Variants in PCDH11X observed in about 807,000 individuals in gnomAD.
PCDH11X encodes protocadherin 11 X-linked.
Under a neutral mutation model 53.3 loss-of-function variants are expected in PCDH11X, and 18 were observed. That is an observed-to-expected ratio of 0.34 (90% CI 0.23 to 0.50). PCDH11X has a LOEUF of 0.50. PCDH11X is among the 20% of genes least tolerant of loss of function. The probability of loss-of-function intolerance (pLI) is 0.98; values close to 1 mark genes in which losing one functional copy is unlikely to be tolerated. For missense variants in PCDH11X, 570 were observed against 1,032.4 expected (o/e 0.55, Z 6.14); for synonymous variants, 279 against 393.3 (o/e 0.71, Z 3.44).
intron 6 of PCDH11X, among the ~76,000 whole-genome samples, chrX:92,103,069 A>G (rs1286427806): frequency 1.8e-5 from 2 of 109,945 alleles, no homozygotes; most frequent in African/African-American, 6.6e-5. Flanking sequence ...GAAGGAGTAG[A>G]GATGTCCTAT....
chrX:92,521,526 C>T (rs2074370174), intron 10 of PCDH11X, among the ~76,000 whole-genome samples: 1 of 112,057 alleles, frequency 8.9e-6, no homozygotes, highest in Non-Finnish European at 1.9e-5. Context: ...GTTCATTTAG[C>T]GTAATTCTTA....
At chrX:92,343,736 T>G in intron 8 of PCDH11X, among the ~76,000 whole-genome samples, 1 of 111,563 alleles carries the variant, frequency 9.0e-6, no homozygotes. Flanking sequence ...ATCAAGAAGC[T>G]TGTGAAAATA....
At chrX:92,554,687 G>A (rs2075018833) in intron 10 of PCDH11X, among the ~76,000 whole-genome samples, 1 of 108,296 alleles carries the variant, frequency 9.2e-6, no homozygotes, top group Non-Finnish European at 1.9e-5. Context: ...ACTCTTTAAT[G>A]GCTACAAAAA....
At chrX:92,398,625 A>G (rs1480717144) in intron 9 of PCDH11X, among the ~76,000 whole-genome samples, 1 of 111,025 alleles carries the variant, frequency 9.0e-6, no homozygotes, top group Non-Finnish European at 1.9e-5. Context: ...TCTCTTATCT[A>G]CAAAACACAT....
chrX:92,559,995 C>T (rs1364737216), intron 10 of PCDH11X, among the ~76,000 whole-genome samples: 1 of 111,163 alleles, frequency 9.0e-6, no homozygotes, highest in Non-Finnish European at 1.9e-5. Flanking sequence ...AGTCCTTGTG[C>T]CACCCCTCTC....
At chrX:92,187,365 C>A (rs766515158) in intron 6 of PCDH11X, among the ~76,000 whole-genome samples, 1 of 111,855 alleles carries the variant, frequency 8.9e-6, no homozygotes, top group South Asian at 3.7e-4. Context: ...TGCAATCTCC[C>A]AGATAACTCA....
chrX:92,421,868 T>C (rs1426150619), intron 9 of PCDH11X, among the ~76,000 whole-genome samples: 1 of 112,147 alleles, frequency 8.9e-6, no homozygotes, highest in Non-Finnish European at 1.9e-5. Flanking sequence ...TTTTGAAAAG[T>C]ATTTGTTCAA....
At position 92,442,495 on chromosome X, in the gene PCDH11X, C is replaced by A. The variant is rs751700451; in HGVS notation, c.3344-25804C>A. Among the ~76,000 whole-genome samples the A allele has an allele frequency of 1.5e-3, 171 of 111,818 alleles. 1 individual carries two copies. Among genetic ancestry groups the A allele is most frequent in the African/African-American group, 5.2e-3 (160 of 30,740 alleles). On this transcript the variant is annotated intron_variant, in intron 9 of 10. Transcript: ENST00000682573. The stretch of plus-strand genomic sequence containing the variant: ...TTCTATAAGGGGGAGGTTCCTAGCA[C>A]AAGCTATTCCTTTGCCTGCTGCCAT...
At chrX:92,288,390 CT>C (rs756662629) in intron 8 of PCDH11X, among the ~76,000 whole-genome samples, 222 of 94,756 alleles carry the variant, frequency 2.3e-3, no homozygotes, top group Middle Eastern at 0.01. Context: ...TTAGTTACTT[CT>C]TTTTTTTTTT....
intron 10 of PCDH11X, among the ~76,000 whole-genome samples, chrX:92,540,137 A>G (rs1388314363): frequency 1.8e-5 from 2 of 111,343 alleles, no homozygotes; most frequent in Non-Finnish European, 3.8e-5. Context: ...CTCTTCTTTC[A>G]TTTAGGGCAG....
chrX:92,174,210 A>T (rs1024991033), intron 6 of PCDH11X, among the ~76,000 whole-genome samples: 1 of 107,188 alleles, frequency 9.3e-6, no homozygotes, highest in Non-Finnish European at 1.9e-5. Flanking sequence ...CAGTATGATT[A>T]AAAAAAATAA....
At chrX:92,086,928 G>GAT (rs1437147392) in intron 6 of PCDH11X, among the ~76,000 whole-genome samples, 1,391 of 109,121 alleles carry the variant, frequency 0.013, 25 homozygotes, top group African/African-American at 0.044. Context: ...AAAGAGAAAA[G>GAT]ATATATATAT....
intron 6 of PCDH11X, among the ~76,000 whole-genome samples, chrX:91,917,685 A>G (rs1216773361): frequency 9.7e-6 from 1 of 102,830 alleles, no homozygotes; most frequent in Non-Finnish European, 2.0e-5. Context: ...CGACAACACA[A>G]ATAGAAACAC....
At chrX:91,823,021 G>T (rs370985182) in intron 4 of PCDH11X, among the ~76,000 whole-genome samples, 6 of 109,404 alleles carry the variant, frequency 5.5e-5, no homozygotes, top group Admixed American at 9.8e-5. Flanking sequence ...TAGTTTGATT[G>T]CACTGTGGTC....
At chrX:92,166,026 A>G (rs181985779) in intron 6 of PCDH11X, among the ~76,000 whole-genome samples, 2 of 111,794 alleles carry the variant, frequency 1.8e-5, no homozygotes, top group Admixed American at 9.6e-5. Flanking sequence ...ATTGTGAATG[A>G]CATTACTTCT....
At chrX:92,230,800 A>G (rs2067062745) in intron 7 of PCDH11X, among the ~76,000 whole-genome samples, 1 of 108,431 alleles carries the variant, frequency 9.2e-6, no homozygotes, top group African/African-American at 3.3e-5. Context: ...CTGCTGATAA[A>G]TGTTCTGCTA....
intron 7 of PCDH11X, among the ~76,000 whole-genome samples, chrX:92,257,908 C>T (rs767257592): frequency 9.8e-5 from 11 of 111,957 alleles, no homozygotes; most frequent in Non-Finnish European, 2.1e-4. Flanking sequence ...TTTCTTCTTA[C>T]AGTTCCACTA....
At chrX:91,812,638 C>T (rs1406875114) in intron 4 of PCDH11X, among the ~76,000 whole-genome samples, 1 of 111,460 alleles carries the variant, frequency 9.0e-6, no homozygotes, top group Non-Finnish European at 1.9e-5. Flanking sequence ...TTCATAACAG[C>T]TTGTTGCTCA....
At chrX:92,497,505 G>A (rs1312886621) in intron 10 of PCDH11X, among the ~76,000 whole-genome samples, 8 of 109,430 alleles carry the variant, frequency 7.3e-5, no homozygotes, top group Non-Finnish European at 1.5e-4. Context: ...CTCACAAATA[G>A]CAACATGCTT....
Sources: gnomAD v4.1 joint callset for allele counts (sites outside exome capture counted in the v4.1 genomes callset) on GRCh38, gnomAD v4.1.1 for gene constraint, MANE v1.5 for transcripts, NCBI Gene and HGNC (gene_info 2026-07-23, HGNC 2026-07-21) for gene names.